PGBD1: variants seen among roughly 807,000 people sequenced by gnomAD.
PGBD1 encodes the protein piggyBac transposable element derived 1, also known as piggyBac transposable element-derived protein 1.
In PGBD1, 25 loss-of-function variants were observed where a neutral mutation model predicts 34.7. That is an observed-to-expected ratio of 0.72 (90% CI 0.52 to 1.00). The LOEUF is 1.00. Among genes scored for constraint, PGBD1 ranks in the 50% least tolerant of loss-of-function variants. The pLI, the probability that PGBD1 is intolerant of heterozygous loss-of-function variation, is 0.00. For missense variants in PGBD1, 830 were observed against 959.4 expected (o/e 0.87, Z 1.78); for synonymous variants, 292 against 335.7 (o/e 0.87, Z 1.42).
chr6:28,281,604 GCCCGCCAGA>G lies in PGBD1; in HGVS notation c.-344_-336del, dbSNP rs902955091. On this transcript the variant is annotated 5_prime_UTR_variant, in exon 1 of 7. Transcript: ENST00000682144. ...CCCAGCTGCTGGAGGCGCCGGCAGC[GCCCGCCAGA>G]CCCGCCAGCCCAGCGGCCCGGGCTC... is the stretch of plus-strand genomic sequence containing the variant. The G allele has an allele frequency of 6.2e-4, 239 of 384,326 alleles. 1 individual carries two copies. The highest frequency in any genetic ancestry group is 4.1e-3 in the African/African-American group (199 of 48,270). The allele number at this position is 384,326 out of a possible 1,614,324, so 23.8% of individuals were successfully genotyped here. A position where few individuals can be genotyped will look rare whatever the true frequency, so the allele number is the denominator to read the frequency against.
intron 1 of PGBD1, among the ~76,000 whole-genome samples, chr6:28,282,733 C>G (rs541232403): frequency 2.0e-3 from 310 of 152,186 alleles, no homozygotes; most frequent in Non-Finnish European, 3.9e-3. Context: ...AGTTTGAGAT[C>G]TGTTGAAATT....
At chr6:28,295,790 T>C (rs957386683) in intron 4 of PGBD1, among the ~76,000 whole-genome samples, 10 of 152,228 alleles carry the variant, frequency 6.6e-5, no homozygotes, top group South Asian at 2.1e-4. Context: ...ATTTGCCTTA[T>C]TGTGGTGGTC....
chr6:28,290,644 A>G (rs1762418820), intron 4 of PGBD1, among the ~76,000 whole-genome samples: 1 of 152,202 alleles, frequency 6.6e-6, no homozygotes, highest in East Asian at 1.9e-4. Context: ...ACTGCTACAG[A>G]ATGCACATTC....
At chr6:28,284,619 A>G (rs1385453829) in intron 2 of PGBD1, among the ~76,000 whole-genome samples, 1 of 152,166 alleles carries the variant, frequency 6.6e-6, no homozygotes, top group Non-Finnish European at 1.5e-5. Context: ...GGCTCAAGCA[A>G]TCCTCCCACC....
intron 6 of PGBD1, among the ~76,000 whole-genome samples, chr6:28,298,859 C>G (rs941239709): frequency 6.6e-6 from 1 of 151,998 alleles, no homozygotes; most frequent in Admixed American, 6.6e-5. Flanking sequence ...AAATCACAAG[C>G]AGAGGGTTGG....
rs1207945810 is a variant in PGBD1, at chr6:28,301,383, A to G, written c.1529A>G (p.Asn510Ser). Residue 510 changes from asparagine to serine, a missense_variant, in exon 7 of 7, where the codon AAT (asparagine) becomes AGT (serine). Asn to Ser is a conservative substitution (Grantham distance 46). Transcript: ENST00000682144. Reference protein sequence around the residue: ...LIFSNLHFADNGHLDQKDKFT... With the variant: ...LIFSNLHFADSGHLDQKDKFT... ...TTCTCAAACCTGCACTTTGCAGATA[A>G]TGGCCACCTAGATCAAAAAGATAAG... is the stretch of plus-strand genomic sequence containing the variant. The G allele has an allele frequency of 9.3e-6, 15 of 1,614,038 alleles. No homozygotes were observed. The highest frequency in any genetic ancestry group is 1.2e-5 in the Non-Finnish European group (14 of 1,180,028).
At position 28,288,982 on chromosome 6, in the gene PGBD1, C is replaced by T. The variant is rs1335169777; in HGVS notation, c.642+1814C>T. ...CAGCCTGGGCAACAAGAGCAAGACT[C>T]CATCTCAAAAAAATTAAAATAAAAT... On this transcript the variant is annotated intron_variant, in intron 4 of 6. Coordinates refer to ENST00000682144, the MANE Select transcript of PGBD1 (RefSeq NM_032507.4). 4.6e-5 allele frequency among the ~76,000 whole-genome samples: 7 copies of T among 151,782 alleles called. No individual in the cohort carries two copies. In the South Asian group the frequency reaches 1.0e-3, roughly 23 times the overall value.
rs1170246807 is a variant in PGBD1, at chr6:28,300,459, G to T, written c.870-265G>T. ...ATGTCTGCATCCTGCTCCTAAAGAGGACAGAGGGAGGAGTGTACCAAGGAT... is the reference window on the plus strand; with the variant it reads ...ATGTCTGCATCCTGCTCCTAAAGAGTACAGAGGGAGGAGTGTACCAAGGAT... On this transcript the variant is annotated intron_variant, in intron 6 of 6. Transcript: ENST00000682144. The surrounding 1 kb of genome is among the most constrained non-coding windows in gnomAD (Gnocchi z 4.0). Among the ~76,000 whole-genome samples the T allele has an allele frequency of 1.3e-5, 2 of 152,132 alleles. No individual in the cohort carries two copies. The highest frequency in any genetic ancestry group is 2.4e-5 in the African/African-American group (1 of 41,436).
At position 28,300,910 on chromosome 6, in the gene PGBD1, ACTGCTC is replaced by A; in HGVS notation, c.1058_1063del (p.Leu353_Leu354del). On this transcript the variant is annotated inframe_deletion, in exon 7 of 7. Coordinates refer to ENST00000682144, the MANE Select transcript of PGBD1 (RefSeq NM_032507.4). This position sits in a 1 kb window ranked among gnomAD's most constrained non-coding sequence, Gnocchi z 4.0. Reference sequence around the variant, plus strand: ...AAAAAGACAAAGCTCGAGTGAGTGAACTGCTCCAAGGCCTCTCATTCTCTGGTGACT... The same window carrying A: ...AAAAAGACAAAGCTCGAGTGAGTGAACAAGGCCTCTCATTCTCTGGTGACT... 1 of 1,614,176 alleles carries A rather than the reference ACTGCTC, an allele frequency of 6.2e-7. No homozygotes were observed. Among genetic ancestry groups the A allele is most frequent in the Non-Finnish European group, 8.5e-7 (1 of 1,180,034 alleles).
At chr6:28,289,924 C>G (rs546798043) in intron 4 of PGBD1, among the ~76,000 whole-genome samples, 63 of 152,118 alleles carry the variant, frequency 4.1e-4, no homozygotes, top group Non-Finnish European at 6.9e-4. Flanking sequence ...TGTTTCTACT[C>G]TTGTATTTGG....
At chr6:28,284,926 C>T (rs1481023746) in intron 2 of PGBD1, among the ~76,000 whole-genome samples, 1 of 152,104 alleles carries the variant, frequency 6.6e-6, no homozygotes, top group Non-Finnish European at 1.5e-5. Flanking sequence ...TAACCTTAGT[C>T]CTTATTCATA....
At position 28,281,617 on chromosome 6, in the gene PGBD1, G is replaced by A. The variant is rs1388772328; in HGVS notation, c.-340G>A. On this transcript the variant is annotated 5_prime_UTR_variant, in exon 1 of 7. Transcript: ENST00000682144. Reference sequence around the variant, plus strand: ...GGCGCCGGCAGCGCCCGCCAGACCCGCCAGCCCAGCGGCCCGGGCTCTGGG... The same window carrying A: ...GGCGCCGGCAGCGCCCGCCAGACCCACCAGCCCAGCGGCCCGGGCTCTGGG... 5.2e-6 allele frequency: 2 copies of A among 381,064 alleles called. No individual in the cohort carries two copies. The highest frequency in any genetic ancestry group is 4.5e-5 in the Admixed American group (1 of 22,148). 23.6% of individuals were successfully genotyped at this position (381,064 alleles called of 1,614,324 possible).
At position 28,281,580 on chromosome 6, in the gene PGBD1, C is replaced by G. The variant is rs1368587971; in HGVS notation, c.-377C>G. On this transcript the variant is annotated 5_prime_UTR_variant, in exon 1 of 7. Transcript: ENST00000682144. ...CGCAGGGAGAAGCTTTTGTACCCGC[C>G]CAGCTGCTGGAGGCGCCGGCAGCGC... is the stretch of plus-strand genomic sequence containing the variant. The G allele has an allele frequency of 7.7e-6, 3 of 389,568 alleles. No homozygotes were observed. Among genetic ancestry groups the G allele is most frequent in the Non-Finnish European group, 1.4e-5 (3 of 221,068 alleles). The allele number at this position is 389,568 out of a possible 1,614,324, so 24.1% of individuals were successfully genotyped here.
At chr6:28,298,258 C>A (rs1234493049) in intron 6 of PGBD1, among the ~76,000 whole-genome samples, 1 of 152,038 alleles carries the variant, frequency 6.6e-6, no homozygotes, top group Non-Finnish European at 1.5e-5. Context: ...ATTACCCTTC[C>A]CTGGGCTCCC....
rs745928067 is a variant in PGBD1, at chr6:28,297,930, G to A, written c.808G>A (p.Ala270Thr). The A allele has an allele frequency of 1.3e-5, 19 of 1,510,500 alleles. No homozygotes were observed. Among genetic ancestry groups the A allele is most frequent in the Non-Finnish European group, 1.6e-5 (18 of 1,120,224 alleles). 93.6% of individuals were successfully genotyped at this position (1,510,500 alleles called of 1,614,324 possible). A position where few individuals can be genotyped will look rare whatever the true frequency, so the allele number is the denominator to read the frequency against. Residue 270 changes from alanine (A) to threonine (T), a missense_variant, in exon 6 of 7, where the codon GCA becomes ACA. Coordinates refer to ENST00000682144, the MANE Select transcript of PGBD1 (RefSeq NM_032507.4). Reference protein sequence around the residue: ...EIVTKDRLFKAKQETSEEMEQ... With the variant: ...EIVTKDRLFKTKQETSEEMEQ... ...TGTAACTAAAGATAGATTGTTTAAA[G>A]CAAAGCAAGAAACTTCTGAAGAAAT...
In PGBD1 at chr6:28,283,762, A is replaced by T; in HGVS notation, c.-38-14A>T. 1.3e-6 allele frequency: 2 copies of T among 1,508,990 alleles called. No homozygotes were observed. Among genetic ancestry groups the T allele is most frequent in the South Asian group, 2.7e-5 (2 of 74,400 alleles). 93.5% of individuals were successfully genotyped at this position (1,508,990 alleles called of 1,614,324 possible). A position where few individuals can be genotyped will look rare whatever the true frequency, so the allele number is the denominator to read the frequency against. ...ATAAATTCTTATGCCTCAGATCTCT[A>T]TTTCTGAATATAGACCCCAAGCTAA... On this transcript the variant is annotated splice_polypyrimidine_tract_variant and intron_variant, in intron 1 of 6. Coordinates refer to ENST00000682144, the MANE Select transcript of PGBD1 (RefSeq NM_032507.4).
At position 28,301,329 on chromosome 6, in the gene PGBD1, C is replaced by T; in HGVS notation, c.1475C>T (p.Ala492Val). The T allele has an allele frequency of 1.2e-6, 2 of 1,614,060 alleles. No individual in the cohort carries two copies. Among genetic ancestry groups the T allele is most frequent in the Non-Finnish European group, 1.7e-6 (2 of 1,180,020 alleles). Residue 492 changes from alanine to valine, a missense_variant, in exon 7 of 7, where the codon GCA (alanine) becomes GTA (valine). Transcript: ENST00000682144. ...ACCGATCAGAACCTGGTTAGAGATG[C>T]AATCAGAAGGGACAGATTTGAATTG... ...SDTDQNLVRD[A>V]IRRDRFELIF...
chr6:28,302,006 G>A lies in PGBD1; in HGVS notation c.2152G>A (p.Glu718Lys), dbSNP rs768137737. 11 of 1,614,040 alleles carry A rather than the reference G, an allele frequency of 6.8e-6. No homozygotes were observed. Among genetic ancestry groups the A allele is most frequent in the Admixed American group, 1.7e-5 (1 of 60,004 alleles). Reference protein sequence around the residue: ...NEVSCCDADNEEIPQISQPSI... With the variant: ...NEVSCCDADNKEIPQISQPSI... ...GGTAAGCTGTTGTGATGCTGATAACGAAGAAATCCCTCAGATAAGTCAACC... is the reference window on the plus strand; with the variant it reads ...GGTAAGCTGTTGTGATGCTGATAACAAAGAAATCCCTCAGATAAGTCAACC... Residue 718 changes from glutamate (E) to lysine (K), a missense_variant, in exon 7 of 7, where the codon GAA becomes AAA. By Grantham distance (56) the Glu-to-Lys change is moderately conservative. Coordinates refer to ENST00000682144, the MANE Select transcript of PGBD1 (RefSeq NM_032507.4).
Position 28,281,592 on chromosome 6 carries a change from G to GGCGCCGGCA in PGBD1, c.-359_-351dup. 1 of 387,418 alleles carries GGCGCCGGCA rather than the reference G, an allele frequency of 2.6e-6. No homozygotes were observed. Among genetic ancestry groups the GGCGCCGGCA allele is most frequent in the East Asian group, 3.6e-5 (1 of 27,442 alleles). 24.0% of individuals were successfully genotyped at this position (387,418 alleles called of 1,614,324 possible). On this transcript the variant is annotated 5_prime_UTR_variant, in exon 1 of 7. Transcript: ENST00000682144. ...CTTTTGTACCCGCCCAGCTGCTGGA[G>GGCGCCGGCA]GCGCCGGCAGCGCCCGCCAGACCCG...
Sources: allele counts gnomAD v4.1 joint callset (sites outside exome capture counted in the v4.1 genomes callset), GRCh38; gene constraint gnomAD v4.1.1; non-coding constraint Gnocchi (gnomAD v3.1); transcripts MANE v1.5; gene names NCBI Gene and HGNC (gene_info 2026-07-23, HGNC 2026-07-21).